The following SYCP1 variants were observed in gnomAD, a reference collection of about 807,000 sequenced individuals.
SYCP1 encodes cancer/testis antigen 8.
In SYCP1, 64 loss-of-function variants were observed where a neutral mutation model predicts 153.1. That is an observed-to-expected ratio of 0.42 (90% CI 0.34 to 0.51). SYCP1 has a LOEUF of 0.51. Among genes scored for constraint, SYCP1 ranks in the 20% least tolerant of loss-of-function variants. The pLI, the probability that SYCP1 is intolerant of heterozygous loss-of-function variation, is 0.06. For missense variants in SYCP1, 997 were observed against 1,049.0 expected, an observed-to-expected ratio of 0.95 and a Z score of 0.68; for synonymous variants, 384 against 341.8, an observed-to-expected ratio of 1.12 and a Z score of -1.36.
At chr1:114,935,977 A>G (rs541965076) in intron 23 of SYCP1, among the ~76,000 whole-genome samples, 1 of 152,240 alleles carries the variant, frequency 6.6e-6, no homozygotes, top group South Asian at 2.1e-4. Context: ...AGAGGTACAA[A>G]CAGAAGCTGG....
At chr1:114,870,821 ATC>A (rs1665061967) in intron 8 of SYCP1, among the ~76,000 whole-genome samples, 1 of 152,142 alleles carries the variant, frequency 6.6e-6, no homozygotes, top group Non-Finnish European at 1.5e-5. Flanking sequence ...CACTCTGACA[ATC>A]TCTTAGTTGG....
intron 8 of SYCP1, among the ~76,000 whole-genome samples, chr1:114,861,857 T>C (rs1664399847): frequency 6.6e-6 from 1 of 150,476 alleles, no homozygotes; most frequent in Admixed American, 6.7e-5. Context: ...TGGAGTGTAA[T>C]GGTGTGATCT....
intron 27 of SYCP1, among the ~76,000 whole-genome samples, chr1:114,950,031 A>G (rs1016295124): frequency 1.2e-4 from 18 of 152,204 alleles, no homozygotes; most frequent in African/African-American, 4.1e-4. Context: ...TTTTATTCAA[A>G]ATGTATGCTG....
chr1:114,965,042 G>C (rs1672028421), intron 27 of SYCP1, among the ~76,000 whole-genome samples: 1 of 152,104 alleles, frequency 6.6e-6, no homozygotes, highest in African/African-American at 2.4e-5. Flanking sequence ...ATTTCCTTGA[G>C]CAGTGGTTTG....
At chr1:114,867,450 C>T (rs575318046) in intron 8 of SYCP1, among the ~76,000 whole-genome samples, 2 of 151,980 alleles carry the variant, frequency 1.3e-5, no homozygotes, top group South Asian at 4.2e-4. Context: ...TTATAGTTTT[C>T]CTCATATAGA....
At chr1:114,957,680 A>G (rs754013324) in intron 27 of SYCP1, among the ~76,000 whole-genome samples, 15 of 152,332 alleles carry the variant, frequency 9.8e-5, no homozygotes, top group Admixed American at 2.0e-4. Flanking sequence ...ATATGAAAAC[A>G]TGCTCAACAT....
Position 114,855,424 on chromosome 1 carries a change from C to T in SYCP1, c.-24-17C>T, listed in dbSNP as rs1213756903. 1 of 80 alleles carries T rather than the reference C, an allele frequency of 0.013. No individual in the cohort carries two copies. 0.0% of individuals were successfully genotyped at this position (80 alleles called of 1,614,324 possible). A position where few individuals can be genotyped will look rare whatever the true frequency, so the allele number is the denominator to read the frequency against. On this transcript the variant is annotated splice_polypyrimidine_tract_variant and intron_variant, in intron 1 of 31. Coordinates refer to ENST00000369522, the MANE Select transcript of SYCP1 (RefSeq NM_003176.4). Reference sequence around the variant, plus strand: ...AAAAAAAACTTTCCTTCCCCTCCCGCCCCCCCGGGGCAGTAGATATTTACA... The same window carrying T: ...AAAAAAAACTTTCCTTCCCCTCCCGTCCCCCCGGGGCAGTAGATATTTACA...
chr1:114,899,043 C>G (rs1485652798), intron 16 of SYCP1, among the ~76,000 whole-genome samples: 3 of 152,166 alleles, frequency 2.0e-5, no homozygotes, highest in Admixed American at 6.5e-5. Context: ...ATTGGCTCTG[C>G]AAGTCAAGTT....
At chr1:114,946,983 T>C (rs1670751668) in intron 26 of SYCP1, among the ~76,000 whole-genome samples, 1 of 152,114 alleles carries the variant, frequency 6.6e-6, no homozygotes, top group Admixed American at 6.6e-5. Context: ...TGACCTCGAG[T>C]GATATGCCTG....
intron 23 of SYCP1, among the ~76,000 whole-genome samples, chr1:114,930,760 A>G: frequency 6.6e-6 from 1 of 151,988 alleles, no homozygotes; most frequent in East Asian, 1.9e-4. Context: ...CCAAATCCTA[A>G]CAAAGACATT....
chr1:114,869,207 G>A (rs146596196), intron 8 of SYCP1, among the ~76,000 whole-genome samples: 1,638 of 152,060 alleles, frequency 0.011, 19 homozygotes, highest in African/African-American at 0.014. Context: ...TTCCTGTATC[G>A]CACAGATTTT....
At chr1:114,887,380 C>T (rs1666384746) in intron 14 of SYCP1, among the ~76,000 whole-genome samples, 1 of 151,590 alleles carries the variant, frequency 6.6e-6, no homozygotes, top group Non-Finnish European at 1.5e-5. Flanking sequence ...AAACTTATAC[C>T]ATAAGCTTTA....
chr1:114,935,479 A>C (rs561104869), intron 23 of SYCP1, among the ~76,000 whole-genome samples: 24 of 152,244 alleles, frequency 1.6e-4, no homozygotes, highest in Non-Finnish European at 1.6e-4. Context: ...TGACACCCTA[A>C]CATCACAATT....
At chr1:114,876,705 G>T in intron 10 of SYCP1, 32 bp from the exon 11 acceptor site, 1 of 1,080,320 alleles carries the variant, frequency 9.3e-7, no homozygotes, top group Non-Finnish European at 1.2e-6. Flanking sequence ...ATTATGTTAT[G>T]ACATTACAGT....
intron 25 of SYCP1, 52 bp from the exon 26 acceptor site, chr1:114,946,237 T>A (rs945120834): frequency 2.9e-5 from 25 of 870,544 alleles, no homozygotes; most frequent in Non-Finnish European, 3.8e-5. Context: ...ATACCAATCT[T>A]ATAATCTATT....
intron 10 of SYCP1, 57 bp downstream of exon 10, chr1:114,876,195 A>T (rs1374560321): frequency 8.0e-7 from 1 of 1,248,742 alleles, no homozygotes; most frequent in Non-Finnish European, 1.1e-6. Context: ...TTATATTTTT[A>T]TCAGATTCCG....
intron 30 of SYCP1, among the ~76,000 whole-genome samples, chr1:114,987,606 A>C (rs1417071911): frequency 6.6e-6 from 1 of 152,070 alleles, no homozygotes; most frequent in Non-Finnish European, 1.5e-5. Context: ...TCAAAGTTAT[A>C]GTCAGCTATG....
chr1:114,894,317 A>T (rs1666919363), intron 15 of SYCP1, among the ~76,000 whole-genome samples: 1 of 152,162 alleles, frequency 6.6e-6, no homozygotes, highest in Admixed American at 6.5e-5. Context: ...GAGTTTGAGA[A>T]ATTTTCAGTA....
intron 16 of SYCP1, among the ~76,000 whole-genome samples, chr1:114,905,203 A>T (rs1182251778): frequency 6.6e-6 from 1 of 152,182 alleles, no homozygotes; most frequent in African/African-American, 2.4e-5. Context: ...TTGTAAAATG[A>T]ACTGAGAAGC....
Sources: allele counts gnomAD v4.1 joint callset (sites outside exome capture counted in the v4.1 genomes callset), GRCh38; gene constraint gnomAD v4.1.1; transcripts MANE v1.5; gene names NCBI Gene and HGNC (gene_info 2026-07-23, HGNC 2026-07-21).